The following CENPO variants were observed in gnomAD, a reference collection of about 807,000 sequenced individuals.
CENPO encodes the protein centromeric protein O.
CENPO carries 30 observed loss-of-function variants against 36.1 expected under a neutral mutation model. The ratio of observed to expected loss-of-function variants is 0.83; its 90% CI spans 0.62 to 1.13. The LOEUF (loss-of-function observed/expected upper bound fraction) is 1.13, where lower values mean the gene tolerates loss of function less well. CENPO is among the 50% of genes most tolerant of loss of function. CENPO has a pLI of 0.00. For synonymous variants in CENPO, 171 were observed against 142.3 expected, an observed-to-expected ratio of 1.20 and a Z score of -1.44; for missense variants, 349 against 357.8, an observed-to-expected ratio of 0.98 and a Z score of 0.20.
chr2:24,814,659 G>A (rs575047972), intron 4 of CENPO, 166 bp downstream of exon 4: 220 of 598,822 alleles, frequency 3.7e-4, no homozygotes, highest in African/African-American at 3.6e-3. Context: ...CACAGCTGAC[G>A]TGCTATTTGT....
In CENPO at chr2:24,821,922, T is replaced by C; in HGVS notation, c.*2604T>C. ...CCTTCACCTTGGCTGGGCCTGGTCC[T>C]GGTCCTTAGGTTTTGTCAGGTTGTC... On this transcript the variant is annotated 3_prime_UTR_variant, in exon 8 of 8. Coordinates refer to ENST00000380834, the MANE Select transcript of CENPO (RefSeq NM_001322101.2). The C allele has an allele frequency of 2.6e-6, 1 of 386,846 alleles. No homozygotes were observed. The highest frequency in any genetic ancestry group is 4.7e-6 in the Non-Finnish European group (1 of 212,050). The allele number at this position is 386,846 out of a possible 1,614,324, so 24.0% of individuals were successfully genotyped here. A position where few individuals can be genotyped will look rare whatever the true frequency, so the allele number is the denominator to read the frequency against.
Position 24,819,828 on chromosome 2 carries a change from A to G in CENPO, c.*510A>G. 1 of 1,252,690 alleles carries G rather than the reference A, an allele frequency of 8.0e-7. No individual in the cohort carries two copies. Among genetic ancestry groups the G allele is most frequent in the Non-Finnish European group, 1.1e-6 (1 of 910,614 alleles). The allele number at this position is 1,252,690 out of a possible 1,614,324, so 77.6% of individuals were successfully genotyped here. A position where few individuals can be genotyped will look rare whatever the true frequency, so the allele number is the denominator to read the frequency against. ...GAAGGCTGAGGAGGTTTCTAAACCT[A>G]AAGTCCATGAGTGTGCACTTCAATC... On this transcript the variant is annotated 3_prime_UTR_variant, in exon 8 of 8. Transcript: ENST00000380834.
At chr2:24,807,580 A>T (rs74688826) in intron 3 of CENPO, among the ~76,000 whole-genome samples, 3,790 of 152,302 alleles carry the variant, frequency 0.025, 40 homozygotes, top group African/African-American at 0.032. Context: ...TGGGACAATT[A>T]TGAATGCTGC....
At chr2:24,812,716 T>G (rs548420446) in intron 3 of CENPO, among the ~76,000 whole-genome samples, 1 of 152,240 alleles carries the variant, frequency 6.6e-6, no homozygotes, top group East Asian at 1.9e-4. Flanking sequence ...TTTTTTTGGT[T>G]CTAAGATTTC....
intron 2 of CENPO, among the ~76,000 whole-genome samples, chr2:24,794,914 G>A (rs1303655387): frequency 5.3e-5 from 8 of 152,228 alleles, no homozygotes; most frequent in Admixed American, 1.3e-4. Context: ...ATTTCTGAGC[G>A]CGTCAGTGAA....
At chr2:24,801,040 C>T (rs1462864538) in intron 3 of CENPO, among the ~76,000 whole-genome samples, 2 of 152,182 alleles carry the variant, frequency 1.3e-5, no homozygotes, top group Admixed American at 1.3e-4. Context: ...GAGATGGTAT[C>T]TCATTGTGGC....
rs1449973484 is a variant in CENPO at position 24,821,738 on chromosome 2, C to T, written c.*2420C>T. 5 of 1,517,518 alleles carry T rather than the reference C, an allele frequency of 3.3e-6. No homozygotes were observed. Among genetic ancestry groups the T allele is most frequent in the South Asian group, 1.3e-5 (1 of 78,964 alleles). The allele number at this position is 1,517,518 out of a possible 1,614,324, so 94.0% of individuals were successfully genotyped here. On this transcript the variant is annotated 3_prime_UTR_variant, in exon 8 of 8. Transcript: ENST00000380834. ...CAGTGTTCTGGGGGTGGATTCCCTA[C>T]ACCTAGATGTTCAAGGCCTTACTTT...
chr2:24,800,948 G>A (rs1666134045), intron 3 of CENPO, among the ~76,000 whole-genome samples: 1 of 152,112 alleles, frequency 6.6e-6, no homozygotes, highest in South Asian at 2.1e-4. Context: ...CACCAACAGT[G>A]TAAAAGTGTT....
At chr2:24,794,189 T>A (rs893758874) in intron 2 of CENPO, among the ~76,000 whole-genome samples, 1 of 152,228 alleles carries the variant, frequency 6.6e-6, no homozygotes, top group Non-Finnish European at 1.5e-5. Context: ...ATAAGTTGCA[T>A]CCATCATATG....
chr2:24,819,989 G>A lies in CENPO; in HGVS notation c.*671G>A. Reference sequence around the variant, plus strand: ...TGACAGAGGGGCCATTGGGGAAGGTGGCTAGCTTATCCCGCCCCTTCAAGA... The same window carrying A: ...TGACAGAGGGGCCATTGGGGAAGGTAGCTAGCTTATCCCGCCCCTTCAAGA... On this transcript the variant is annotated 3_prime_UTR_variant, in exon 8 of 8. Transcript: ENST00000380834. 1 of 1,613,568 alleles carries A rather than the reference G, an allele frequency of 6.2e-7. No individual in the cohort carries two copies.
chr2:24,802,864 CCT>C (rs1219643355), intron 3 of CENPO, among the ~76,000 whole-genome samples: 3 of 152,020 alleles, frequency 2.0e-5, no homozygotes, highest in Non-Finnish European at 4.4e-5. Context: ...GGGAGGATTC[CCT>C]CTTTTTCTAT....
At chr2:24,793,739 T>A in intron 1 of CENPO, 113 bp from the exon 2 acceptor site, 1 of 987,912 alleles carries the variant, frequency 1.0e-6, no homozygotes, top group South Asian at 1.5e-5. Context: ...ATCCTAGCCG[T>A]GACATTTGTG....
chr2:24,815,256 A>AT (rs1666886814), intron 4 of CENPO, among the ~76,000 whole-genome samples: 1 of 151,340 alleles, frequency 6.6e-6, no homozygotes, highest in Non-Finnish European at 1.5e-5. Flanking sequence ...AAAAAAAAAA[A>AT]TTTCTCAATA....
At chr2:24,815,395 A>G (rs1007549567) in intron 4 of CENPO, 102 bp from the exon 5 acceptor site, 10 of 838,700 alleles carry the variant, frequency 1.2e-5, no homozygotes, top group Non-Finnish European at 1.6e-5. Context: ...TTTGTGTACA[A>G]AGTGTACATA....
At chr2:24,797,473 G>T (rs969424722) in intron 2 of CENPO, among the ~76,000 whole-genome samples, 1 of 152,158 alleles carries the variant, frequency 6.6e-6, no homozygotes, top group Non-Finnish European at 1.5e-5. Context: ...AAGGCTGTGG[G>T]TACTGATGAG....
intron 7 of CENPO, 61 bp from the exon 8 acceptor site, chr2:24,819,293 G>A (rs972104021): frequency 2.0e-5 from 3 of 152,640 alleles, no homozygotes; most frequent in Admixed American, 1.3e-4. Flanking sequence ...ATCGGAAAGT[G>A]TATTTAACAG....
intron 2 of CENPO, among the ~76,000 whole-genome samples, chr2:24,797,838 A>G (rs1355005714): frequency 6.6e-6 from 1 of 152,208 alleles, no homozygotes; most frequent in Non-Finnish European, 1.5e-5. Context: ...AGCAACATGG[A>G]TATCACTGTT....
At chr2:24,811,407 A>C (rs975020239) in intron 3 of CENPO, among the ~76,000 whole-genome samples, 3 of 147,850 alleles carry the variant, frequency 2.0e-5, no homozygotes, top group Admixed American at 6.9e-5. Context: ...CAGCCTCCTG[A>C]GTAGCTGGGA....
At chr2:24,802,781 A>G (rs955915263) in intron 3 of CENPO, among the ~76,000 whole-genome samples, 19 of 152,308 alleles carry the variant, frequency 1.2e-4, no homozygotes, top group Admixed American at 9.8e-4. Context: ...ATATTGGTCT[A>G]AAATTCTCTT....
Sources: gnomAD v4.1 joint callset for allele counts (sites outside exome capture counted in the v4.1 genomes callset) on GRCh38, gnomAD v4.1.1 for gene constraint, MANE v1.5 for transcripts, NCBI Gene and HGNC (gene_info 2026-07-23, HGNC 2026-07-21) for gene names.